SOX5: variants seen among roughly 807,000 people sequenced by gnomAD.
The protein encoded by SOX5 is transcription factor SOX-5.
In SOX5, 9 loss-of-function variants were observed where a neutral mutation model predicts 92.0. That is an observed-to-expected ratio of 0.10 (90% CI 0.06 to 0.17). The LOEUF is 0.17. SOX5 is among the 10% of genes least tolerant of loss of function. The pLI, the probability that SOX5 is intolerant of heterozygous loss-of-function variation, is 1.00. For synonymous variants in SOX5, 344 were observed against 336.3 expected (o/e 1.02, Z -0.25); for missense variants, 642 against 944.5 (o/e 0.68, Z 4.20).
chr12:24,046,328 C>T (rs1178315158), intron 4 of SOX5, among the ~76,000 whole-genome samples: 1 of 152,142 alleles, frequency 6.6e-6, no homozygotes, highest in Non-Finnish European at 1.5e-5. Context: ...TTCTGAAGAG[C>T]TGAAAGGAGA....
intron 4 of SOX5, among the ~76,000 whole-genome samples, chr12:24,033,009 A>G (rs1407571231): frequency 1.3e-5 from 2 of 151,918 alleles, no homozygotes; most frequent in African/African-American, 2.4e-5. Context: ...CTTGAATTAC[A>G]TTAAAAGTTT....
intron 7 of SOX5, among the ~76,000 whole-genome samples, chr12:23,647,120 T>C (rs763571369): frequency 5.9e-5 from 9 of 152,226 alleles, no homozygotes; most frequent in Non-Finnish European, 1.0e-4. Flanking sequence ...AAATTACTCC[T>C]TGACTCGTTG....
intron 6 of SOX5, among the ~76,000 whole-genome samples, chr12:23,723,556 A>G (rs2092938966): frequency 7.7e-6 from 1 of 130,454 alleles, no homozygotes. Flanking sequence ...TGGTAATTAG[A>G]GGAGAAAAAT....
intron 4 of SOX5, among the ~76,000 whole-genome samples, chr12:24,000,080 A>T (rs1001740145): frequency 6.6e-6 from 1 of 151,354 alleles, no homozygotes; most frequent in African/African-American, 2.4e-5. Context: ...TTATACATGC[A>T]TGTTGTGTAT....
At chr12:24,342,449 A>T (rs138953003) in intron 2 of SOX5, among the ~76,000 whole-genome samples, 3 of 152,316 alleles carry the variant, frequency 2.0e-5, no homozygotes, top group African/African-American at 7.2e-5. Context: ...TCACCAAATG[A>T]ACCTATTATA....
chr12:24,346,387 T>G (rs1200917824), intron 2 of SOX5, among the ~76,000 whole-genome samples: 1 of 152,048 alleles, frequency 6.6e-6, no homozygotes, highest in African/African-American at 2.4e-5. Context: ...ATAGCATAAA[T>G]GTATTCACAG....
intron 2 of SOX5, among the ~76,000 whole-genome samples, chr12:24,310,101 C>T (rs952223503): frequency 6.6e-6 from 1 of 152,042 alleles, no homozygotes; most frequent in Non-Finnish European, 1.5e-5. Flanking sequence ...GTTTAAAGGC[C>T]ACTTATATTG....
rs191581785 is a variant in SOX5 at position 24,094,509 on chromosome 12, T to C, written c.-2+118834A>G. Among the ~76,000 whole-genome samples the C allele has an allele frequency of 9.3e-5, 14 of 150,276 alleles. No individual in the cohort carries two copies. The Admixed American group carries it at 9.4e-4, about 10-fold the overall frequency. ...GGTGTCTTTTGATGTGTAGAAAATA[T>C]CATTTACAAAATGCCAGATTTACTC... On this transcript the variant is annotated intron_variant, in intron 4 of 4. Transcript: ENST00000446891.
intron 3 of SOX5, among the ~76,000 whole-genome samples, chr12:23,780,896 G>A (rs564818631): frequency 6.6e-6 from 1 of 152,130 alleles, no homozygotes; most frequent in African/African-American, 2.4e-5. Flanking sequence ...GGGAAATGTA[G>A]AGGCTCTACT....
intron 6 of SOX5, among the ~76,000 whole-genome samples, chr12:23,708,910 G>A (rs894615132): frequency 6.6e-6 from 1 of 151,996 alleles, no homozygotes; most frequent in African/African-American, 2.4e-5. Context: ...GCGACTGAAT[G>A]TTAATACAAG....
intron 1 of SOX5, among the ~76,000 whole-genome samples, chr12:24,501,120 G>A (rs189255847): frequency 1.8e-4 from 27 of 152,288 alleles, no homozygotes; most frequent in Middle Eastern, 3.4e-3. Context: ...GCAAGGCAGA[G>A]ACTGTGCCAC....
chr12:24,342,296 C>G (rs1289736755), intron 2 of SOX5, among the ~76,000 whole-genome samples: 1 of 152,290 alleles, frequency 6.6e-6, no homozygotes, highest in East Asian at 1.9e-4. Flanking sequence ...GTGACCACAT[C>G]CAAATTGTTT....
intron 2 of SOX5, among the ~76,000 whole-genome samples, chr12:24,298,871 G>A (rs1350893190): frequency 6.6e-6 from 1 of 151,190 alleles, no homozygotes; most frequent in African/African-American, 2.4e-5. Context: ...AAATAGCCAG[G>A]AGTGAGAAAG....
At chr12:24,375,816 A>AC (rs1482149447) in intron 1 of SOX5, among the ~76,000 whole-genome samples, 1 of 151,970 alleles carries the variant, frequency 6.6e-6, no homozygotes, top group East Asian at 1.9e-4. Context: ...ATGAACTTTG[A>AC]CCCCAATAGA....
chr12:24,046,914 T>C (rs764905257), intron 4 of SOX5, among the ~76,000 whole-genome samples: 2 of 152,042 alleles, frequency 1.3e-5, no homozygotes, highest in Non-Finnish European at 2.9e-5. Context: ...CTCAAACTCC[T>C]GACCTCACGT....
At position 24,150,052 on chromosome 12, in the gene SOX5, A is replaced by G. The variant is rs1242116198; in HGVS notation, c.-2+63291T>C. On this transcript the variant is annotated intron_variant, in intron 4 of 4. Transcript: ENST00000446891. Reference sequence around the variant, plus strand: ...TTTAGGGGTGAAGGGTATGTTCACTATTTTGATAATGGTGACTATTTTTTG... The same window carrying G: ...TTTAGGGGTGAAGGGTATGTTCACTGTTTTGATAATGGTGACTATTTTTTG... 3.3e-5 allele frequency among the ~76,000 whole-genome samples: 5 copies of G among 152,314 alleles called. No individual in the cohort carries two copies. In the East Asian group the frequency reaches 5.8e-4, roughly 18 times the overall value.
chr12:23,989,704 G>T (rs1448296216), intron 4 of SOX5, among the ~76,000 whole-genome samples: 1 of 152,064 alleles, frequency 6.6e-6, no homozygotes, highest in Non-Finnish European at 1.5e-5. Context: ...TCTTACACTT[G>T]TTCTCAACAG....
Position 23,847,872 on chromosome 12 carries a change from T to G in SOX5, c.271-1679A>C, listed in dbSNP as rs77108673. ...GTAACAATTACAAACTCCCGCACGT[T>G]AAGTGAAGGTACACTTCTGGAATTA... On this transcript the variant is annotated intron_variant, in intron 2 of 14. Coordinates refer to ENST00000451604, the MANE Select transcript of SOX5 (RefSeq NM_006940.6). Among the ~76,000 whole-genome samples, 7,139 of 152,150 alleles carry G rather than the reference T, an allele frequency of 0.047. 804 individuals carry two copies. In the East Asian group the frequency reaches 0.47, roughly 10 times the overall value.
At position 24,023,358 on chromosome 12, in the gene SOX5, A is replaced by G. The variant is rs1158433386; in HGVS notation, c.-1-127334T>C. 2.0e-5 allele frequency among the ~76,000 whole-genome samples: 3 copies of G among 152,234 alleles called. No homozygotes were observed. In the East Asian group the frequency reaches 5.8e-4, roughly 29 times the overall value. ...GATCTGCATATTTAAGACAAACCTC[A>G]GAAACTGGATGAATGTTAAATTTTT... On this transcript the variant is annotated intron_variant, in intron 4 of 4. Coordinates refer to the SOX5 transcript ENST00000446891.
Sources: allele counts gnomAD v4.1 joint callset (sites outside exome capture counted in the v4.1 genomes callset), GRCh38; gene constraint gnomAD v4.1.1; transcripts MANE v1.5; gene names NCBI Gene and HGNC (gene_info 2026-07-23, HGNC 2026-07-21).